The following FRYL variants were observed in gnomAD, a reference collection of about 807,000 sequenced individuals.
The protein encoded by FRYL is FRY like transcription coactivator.
A neutral mutation model predicts 351.2 loss-of-function variants in FRYL; 150 were observed. The observed-to-expected ratio is 0.43, with a 90% confidence interval of 0.37 to 0.49. The LOEUF (loss-of-function observed/expected upper bound fraction) is 0.49. Among genes scored for constraint, FRYL ranks in the 20% least tolerant of loss-of-function variants. FRYL has a pLI of 0.00. For missense variants in FRYL, 3,036 were observed against 3,619.3 expected (o/e 0.84, Z 4.13); for synonymous variants, 1,153 against 1,257.1 (o/e 0.92, Z 1.75).
intron 1 of FRYL, among the ~76,000 whole-genome samples, chr4:48,713,061 G>A (rs1378066210): frequency 2.0e-5 from 3 of 151,930 alleles, no homozygotes; most frequent in Non-Finnish European, 2.9e-5. Flanking sequence ...GCCTGCCCTA[G>A]AAGAGCTCCT....
At chr4:48,647,879 T>C (rs548113672) in intron 3 of FRYL, among the ~76,000 whole-genome samples, 1 of 152,294 alleles carries the variant, frequency 6.6e-6, no homozygotes, top group Non-Finnish European at 1.5e-5. Flanking sequence ...GTGATTCTTT[T>C]CCACTATGAC....
chr4:48,738,394 G>T (rs1771669640), intron 1 of FRYL, among the ~76,000 whole-genome samples: 1 of 152,160 alleles, frequency 6.6e-6, no homozygotes, highest in African/African-American at 2.4e-5. Flanking sequence ...AACAAAATTT[G>T]TGTAAGACCT....
intron 60 of FRYL, 25 bp from the exon 61 acceptor site, chr4:48,502,870 CA>C: frequency 1.3e-6 from 2 of 1,594,992 alleles, no homozygotes; most frequent in Non-Finnish European, 1.7e-6. Flanking sequence ...GATCAGGTCA[CA>C]AAAAATACAA....
chr4:48,715,814 C>A (rs1234823046), intron 1 of FRYL, among the ~76,000 whole-genome samples: 1 of 152,138 alleles, frequency 6.6e-6, no homozygotes, highest in Admixed American at 6.5e-5. Flanking sequence ...CCCGCATCGC[C>A]AAGTCAATCC....
At chr4:48,607,849 G>A (rs561938453) in intron 9 of FRYL, among the ~76,000 whole-genome samples, 8 of 152,198 alleles carry the variant, frequency 5.3e-5, no homozygotes, top group Admixed American at 2.6e-4. Context: ...TAGAGTTAAC[G>A]TAGCCATGAT....
intron 1 of FRYL, among the ~76,000 whole-genome samples, chr4:48,773,180 A>G (rs1775688471): frequency 6.6e-6 from 1 of 152,212 alleles, no homozygotes; most frequent in Non-Finnish European, 1.5e-5. Flanking sequence ...TTATCACACT[A>G]CTTAGCAAGT....
intron 53 of FRYL, among the ~76,000 whole-genome samples, chr4:48,525,788 T>A (rs746150175): frequency 2.0e-5 from 3 of 152,040 alleles, no homozygotes; most frequent in Admixed American, 6.6e-5. Flanking sequence ...TGTATATGTA[T>A]ACGAGAGCTG....
intron 57 of FRYL, among the ~76,000 whole-genome samples, chr4:48,511,751 C>G (rs1722523279): frequency 6.6e-6 from 1 of 152,080 alleles, no homozygotes; most frequent in African/African-American, 2.4e-5. Flanking sequence ...ATGAGAGAGA[C>G]TGGAGGTTGG....
intron 59 of FRYL, 90 bp from the exon 60 acceptor site, chr4:48,505,705 C>CT (rs1720762562): frequency 2.6e-6 from 2 of 776,100 alleles, no homozygotes; most frequent in South Asian, 3.4e-5. Context: ...TTAAAGTTAA[C>CT]TTGAAGTTCT....
In FRYL at chr4:48,553,325, A is replaced by G; in HGVS notation, c.4325T>C (p.Leu1442Pro). ...RDKTMQLLEE[L>P]VSELQLTDPV... ...ATCGGTCAGCTGAAGCTCACTCACC[A>G]GCTCTTCTAGCAACTGCATTGTTTT... The change falls in exon 36 of 64, where the codon CTG becomes CCG. Residue 1442 changes from leucine (L) to proline (P), a missense_variant. Transcript: ENST00000358350. 1 of 1,612,796 alleles carries G rather than the reference A, an allele frequency of 6.2e-7. No individual in the cohort carries two copies. The highest frequency in any genetic ancestry group is 8.5e-7 in the Non-Finnish European group (1 of 1,179,020).
chr4:48,683,634 G>A lies in FRYL; in HGVS notation c.-81+1039C>T, dbSNP rs191616463. On this transcript the variant is annotated intron_variant, in intron 3 of 63. Transcript: ENST00000358350. ...AAATCCTGTCTCAAGAACTCCCATA[G>A]GAAAAAAACAACAAAGTCAAGTAAA... 5.9e-5 allele frequency among the ~76,000 whole-genome samples: 9 copies of A among 152,032 alleles called. No individual in the cohort carries two copies. The East Asian group carries it at 1.7e-3, about 29-fold the overall frequency.
intron 1 of FRYL, among the ~76,000 whole-genome samples, chr4:48,758,587 G>C (rs1774057507): frequency 6.6e-6 from 1 of 152,214 alleles, no homozygotes; most frequent in Admixed American, 6.5e-5. Flanking sequence ...AAGAACAGGT[G>C]CTGGAGAGGA....
In FRYL at chr4:48,606,618, G is replaced by A. The variant is rs370517612; in HGVS notation, c.573-12C>T. ...TTACAGCCTGAAACCTTTAATATAC[G>A]TGGAGACATCATTTGATTTGAATTA... On this transcript the variant is annotated splice_polypyrimidine_tract_variant and intron_variant, in intron 9 of 63. Transcript: ENST00000358350. 1.1e-5 allele frequency: 17 copies of A among 1,569,400 alleles called. No homozygotes were observed. The African/African-American group carries it at 1.2e-4, about 11-fold the overall frequency.
intron 1 of FRYL, among the ~76,000 whole-genome samples, chr4:48,775,355 C>G (rs1330208163): frequency 1.3e-5 from 2 of 152,236 alleles, no homozygotes; most frequent in African/African-American, 4.8e-5. Context: ...GTGACAGATA[C>G]AAACTTAATC....
intron 62 of FRYL, among the ~76,000 whole-genome samples, chr4:48,500,981 G>A (rs1187277598): frequency 6.6e-6 from 1 of 151,570 alleles, no homozygotes; most frequent in African/African-American, 2.4e-5. Context: ...AGCTGCTTGG[G>A]AGGCTGAGGC....
At chr4:48,539,634 T>C (rs893028536) in intron 47 of FRYL, among the ~76,000 whole-genome samples, 13 of 152,178 alleles carry the variant, frequency 8.5e-5, no homozygotes, top group African/African-American at 2.9e-4. Flanking sequence ...ATCATGTATT[T>C]GTAGCATCTA....
intron 1 of FRYL, among the ~76,000 whole-genome samples, chr4:48,759,461 C>T (rs185176273): frequency 3.9e-5 from 6 of 152,296 alleles, no homozygotes; most frequent in Non-Finnish European, 8.8e-5. Context: ...TGGCTTTAAA[C>T]AGCACACATT....
In FRYL at chr4:48,527,468, C is replaced by T; in HGVS notation, c.7317+9G>A. 2 of 1,604,812 alleles carry T rather than the reference C, an allele frequency of 1.2e-6. No individual in the cohort carries two copies. The highest frequency in any genetic ancestry group is 1.7e-6 in the Non-Finnish European group (2 of 1,174,424). ...TATAAATATTAACAGAGAAAGCCCA[C>T]ATCCTTACCTCTGCATCTTCCAATT... On this transcript the variant is annotated intron_variant, in intron 53 of 63. Transcript: ENST00000358350.
chr4:48,534,746 A>G (rs2034169105), intron 48 of FRYL, 61 bp from the exon 49 acceptor site: 3 of 1,033,436 alleles, frequency 2.9e-6, no homozygotes, highest in Non-Finnish European at 4.3e-6. Context: ...TAAAAACTCA[A>G]TATTTACATT....
Sources: allele counts gnomAD v4.1 joint callset (sites outside exome capture counted in the v4.1 genomes callset), GRCh38; gene constraint gnomAD v4.1.1; transcripts MANE v1.5; gene names NCBI Gene and HGNC (gene_info 2026-07-23, HGNC 2026-07-21).